SP100: variants seen among roughly 807,000 people sequenced by gnomAD.
SP100 encodes the protein SP100 nuclear body protein.
In SP100, 84 loss-of-function variants were observed where a neutral mutation model predicts 130.0. The ratio of observed to expected loss-of-function variants is 0.65; its 90% confidence interval spans 0.54 to 0.77. The LOEUF (loss-of-function observed/expected upper bound fraction) is 0.77, where lower values mean the gene tolerates loss of function less well. Among genes scored for constraint, SP100 ranks in the 30% least tolerant of loss-of-function variants. The pLI, the probability that SP100 is intolerant of heterozygous loss-of-function variation, is 0.00. For missense variants in SP100, 978 were observed against 1,052.2 expected, an observed-to-expected ratio of 0.93 and a Z score of 0.97; for synonymous variants, 331 against 351.7, an observed-to-expected ratio of 0.94 and a Z score of 0.66.
intron 8 of SP100, among the ~76,000 whole-genome samples, chr2:230,458,261 C>T (rs2064389954): frequency 6.6e-6 from 1 of 152,148 alleles, no homozygotes; most frequent in Non-Finnish European, 1.5e-5. Flanking sequence ...TGTATTCTCA[C>T]AATGAAGTAA....
chr2:230,426,016 G>A (rs2062920041), intron 2 of SP100, among the ~76,000 whole-genome samples: 2 of 151,914 alleles, frequency 1.3e-5, no homozygotes, highest in South Asian at 2.1e-4. Flanking sequence ...ATTTTTTCTA[G>A]GCTATACAAT....
At chr2:230,485,667 C>T (rs1222240042) in intron 17 of SP100, among the ~76,000 whole-genome samples, 3 of 152,096 alleles carry the variant, frequency 2.0e-5, no homozygotes, top group African/African-American at 2.4e-5. Flanking sequence ...CTGAATATAT[C>T]TTTGCCTATA....
chr2:230,453,566 A>G (rs952250982), intron 8 of SP100, among the ~76,000 whole-genome samples: 2 of 152,182 alleles, frequency 1.3e-5, no homozygotes, highest in African/African-American at 2.4e-5. Context: ...ATCTATTGAG[A>G]TGATCATATG....
intron 17 of SP100, among the ~76,000 whole-genome samples, chr2:230,486,460 A>C (rs1369159112): frequency 6.6e-6 from 1 of 152,140 alleles, no homozygotes; most frequent in Non-Finnish European, 1.5e-5. Flanking sequence ...TTTGCTGAGG[A>C]TGATTGCTTC....
intron 24 of SP100, chr2:230,515,092 C>G (rs1690831128): frequency 6.2e-7 from 1 of 1,612,364 alleles, no homozygotes; most frequent in Non-Finnish European, 8.5e-7. Flanking sequence ...GCAAACTTGT[C>G]AGGAGGAGCA....
intron 20 of SP100, among the ~76,000 whole-genome samples, chr2:230,503,633 C>T (rs1476081343): frequency 6.6e-6 from 1 of 152,192 alleles, no homozygotes; most frequent in Non-Finnish European, 1.5e-5. Flanking sequence ...TCCCTCCTCT[C>T]TCAATGTGCA....
chr2:230,469,516 T>C (rs569575368), intron 14 of SP100: 87 of 457,664 alleles, frequency 1.9e-4, no homozygotes, highest in African/African-American at 1.6e-3. Flanking sequence ...TAGGATTGTA[T>C]TCAGAAAAGA....
chr2:230,496,087 T>C (rs1198101973), intron 18 of SP100, among the ~76,000 whole-genome samples: 12 of 152,214 alleles, frequency 7.9e-5, no homozygotes, highest in Non-Finnish European at 7.3e-5. Flanking sequence ...TTCCAGTTTG[T>C]ACTTACCCAG....
At chr2:230,482,450 T>C (rs1465900322) in intron 17 of SP100, among the ~76,000 whole-genome samples, 1 of 152,152 alleles carries the variant, frequency 6.6e-6, no homozygotes, top group African/African-American at 2.4e-5. Context: ...CTCCTAATCC[T>C]TGTGATCACT....
intron 2 of SP100, among the ~76,000 whole-genome samples, chr2:230,435,790 C>A (rs2063245300): frequency 6.6e-6 from 1 of 152,018 alleles, no homozygotes; most frequent in African/African-American, 2.4e-5. Flanking sequence ...TCATTTAGCT[C>A]CCACTTATAA....
At position 230,464,107 on chromosome 2, in the gene SP100, G is replaced by A. The variant is rs2064808531; in HGVS notation, c.1098G>A (p.Lys366=). The stretch of plus-strand genomic sequence containing the variant: ...ACCCTTTAGAATCAAATGATGAAAA[G>A]GAGGGCCAAGAAGCCACTTGCTCAC... ...NDNPLESNDE[K]EGQEATCSRP... is the part of the protein sequence containing the mutation. The change falls in exon 11 of 29, where the codon AAG becomes AAA. Residue 366 remains lysine (K), a synonymous_variant. Coordinates refer to ENST00000340126, the MANE Select transcript of SP100 (RefSeq NM_001080391.2). 2 of 1,613,276 alleles carry A rather than the reference G, an allele frequency of 1.2e-6. No individual in the cohort carries two copies. Among genetic ancestry groups the A allele is most frequent in the African/African-American group, 1.3e-5 (1 of 74,878 alleles).
chr2:230,496,065 A>T (rs1043195162), intron 18 of SP100, among the ~76,000 whole-genome samples: 4 of 152,132 alleles, frequency 2.6e-5, no homozygotes, highest in African/African-American at 4.8e-5. Context: ...CCTATCTGTC[A>T]TCTTGGTTAT....
intron 2 of SP100, among the ~76,000 whole-genome samples, chr2:230,440,290 A>G (rs2063428864): frequency 6.6e-6 from 1 of 152,100 alleles, no homozygotes; most frequent in African/African-American, 2.4e-5. Context: ...TACTAGAAAT[A>G]CTACATGAAT....
intron 2 of SP100, chr2:230,440,700 G>T (rs1328478360): frequency 1.4e-6 from 1 of 728,602 alleles, no homozygotes. Context: ...AAACTGATTT[G>T]AAAAGATAAT....
chr2:230,439,550 T>A (rs370512214), intron 2 of SP100, among the ~76,000 whole-genome samples: 5 of 151,446 alleles, frequency 3.3e-5, no homozygotes, highest in Non-Finnish European at 7.4e-5. Context: ...TTTTTGGATT[T>A]TTGTTGTTGT....
At chr2:230,483,101 T>C (rs1456916328) in intron 17 of SP100, among the ~76,000 whole-genome samples, 1 of 152,158 alleles carries the variant, frequency 6.6e-6, no homozygotes, top group Non-Finnish European at 1.5e-5. Context: ...TCAATAGGGA[T>C]AAAGAAGTGA....
At chr2:230,448,343 TCTA>T (rs1008096137) in intron 5 of SP100, among the ~76,000 whole-genome samples, 3 of 152,160 alleles carry the variant, frequency 2.0e-5, no homozygotes, top group African/African-American at 7.2e-5. Context: ...TGATTGAACA[TCTA>T]CTCTGTGGCG....
chr2:230,417,556 G>C (rs546539337), intron 1 of SP100, 35 bp from the exon 2 acceptor site: 2 of 1,603,046 alleles, frequency 1.2e-6, no homozygotes, highest in South Asian at 2.3e-5. Flanking sequence ...AAAGGGTCCA[G>C]TTATTTACTT....
intron 22 of SP100, 144 bp downstream of exon 22, chr2:230,506,589 C>CAGGTGAGAACGTTAG: frequency 2.8e-6 from 2 of 714,948 alleles, no homozygotes; most frequent in Non-Finnish European, 4.6e-6. Flanking sequence ...TACTAACGTT[C>CAGGTGAGAACGTTAG]TCACCTGAAC....
Sources: gnomAD v4.1 joint callset for allele counts (sites outside exome capture counted in the v4.1 genomes callset) on GRCh38, gnomAD v4.1.1 for gene constraint, MANE v1.5 for transcripts, NCBI Gene and HGNC (gene_info 2026-07-23, HGNC 2026-07-21) for gene names.